Variants in TMX4 observed in about 807,000 individuals in gnomAD.
TMX4 encodes the protein thioredoxin related transmembrane protein 4, also known as thioredoxin-related transmembrane protein 4.
TMX4 carries 23 observed loss-of-function variants against 33.3 expected under a neutral mutation model. The ratio of observed to expected loss-of-function variants is 0.69; its 90% CI spans 0.50 to 0.98. The LOEUF (loss-of-function observed/expected upper bound fraction) is 0.98. TMX4 is among the 50% of genes least tolerant of loss of function. The pLI, the probability that TMX4 is intolerant of heterozygous loss-of-function variation, is 0.00. For missense variants in TMX4, 399 were observed against 448.9 expected, an observed-to-expected ratio of 0.89 and a Z score of 1.01; for synonymous variants, 164 against 161.5, an observed-to-expected ratio of 1.02 and a Z score of -0.12.
chr20:7,989,933 G>A (rs16994301), intron 5 of TMX4, among the ~76,000 whole-genome samples: 2,088 of 152,124 alleles, frequency 0.014, 55 homozygotes, highest in East Asian at 0.065. Context: ...CATGCTGTTC[G>A]CTGAAAATGC....
intron 5 of TMX4, among the ~76,000 whole-genome samples, chr20:7,988,021 GACAA>G (rs1468978706): frequency 6.6e-6 from 1 of 152,104 alleles, no homozygotes; most frequent in Non-Finnish European, 1.5e-5. Flanking sequence ...TCTATTTGAT[GACAA>G]ACACTCTAAA....
At chr20:8,006,781 A>G (rs1469144241) in intron 2 of TMX4, among the ~76,000 whole-genome samples, 1 of 145,362 alleles carries the variant, frequency 6.9e-6, no homozygotes, top group East Asian at 2.0e-4. Context: ...TTTTTGAGAC[A>G]AAGTTATGTT....
At chr20:7,992,138 T>C (rs2050657747) in intron 5 of TMX4, among the ~76,000 whole-genome samples, 2 of 152,238 alleles carry the variant, frequency 1.3e-5, no homozygotes, top group South Asian at 4.1e-4. Context: ...ATTTAGTCAC[T>C]AAGTTGCATA....
chr20:8,009,070 G>A (rs538762813), intron 2 of TMX4, among the ~76,000 whole-genome samples: 2 of 152,100 alleles, frequency 1.3e-5, no homozygotes, highest in African/African-American at 4.8e-5. Flanking sequence ...TTTTGCCCTT[G>A]TAAAAGGATG....
chr20:8,008,499 T>C (rs1449118111), intron 2 of TMX4, among the ~76,000 whole-genome samples: 1 of 152,174 alleles, frequency 6.6e-6, no homozygotes, highest in Non-Finnish European at 1.5e-5. Flanking sequence ...ATGTTAAAAA[T>C]AACTGTAAGT....
At chr20:8,008,411 A>G (rs758766937) in intron 2 of TMX4, among the ~76,000 whole-genome samples, 2 of 152,194 alleles carry the variant, frequency 1.3e-5, no homozygotes, top group African/African-American at 4.8e-5. Context: ...AACCAAGTCA[A>G]CATTGAATGT....
At chr20:8,005,046 A>G (rs1408429749) in intron 2 of TMX4, among the ~76,000 whole-genome samples, 1 of 152,232 alleles carries the variant, frequency 6.6e-6, no homozygotes, top group African/African-American at 2.4e-5. Context: ...AATAGAAAAC[A>G]AGATAAAATT....
intron 2 of TMX4, among the ~76,000 whole-genome samples, chr20:8,006,441 G>A (rs2050730867): frequency 6.6e-6 from 1 of 152,122 alleles, no homozygotes; most frequent in Admixed American, 6.6e-5. Context: ...CTGTGGCAAG[G>A]CAAGAATACA....
chr20:8,009,698 A>G (rs2050744325), intron 2 of TMX4, among the ~76,000 whole-genome samples: 1 of 152,062 alleles, frequency 6.6e-6, no homozygotes, highest in Non-Finnish European at 1.5e-5. Context: ...TATAAGTTCC[A>G]TGTCACCATA....
In TMX4 at chr20:7,979,898, T is replaced by A. The variant is rs1021249773; in HGVS notation, c.*2353A>T. ...GAGGTATCTTGGGAGTAGACCCAAG[T>A]CTAAACACAAAATTCATTTGTTTTA... On this transcript the variant is annotated 3_prime_UTR_variant, in exon 8 of 8. Transcript: ENST00000246024. 1.5e-4 allele frequency: 23 copies of A among 152,294 alleles called. No individual in the cohort carries two copies. Among genetic ancestry groups the A allele is most frequent in the African/African-American group, 5.5e-4 (23 of 41,564 alleles). The allele number at this position is 152,294 out of a possible 1,614,324, so 9.4% of individuals were successfully genotyped here. A position where few individuals can be genotyped will look rare whatever the true frequency, so the allele number is the denominator to read the frequency against.
rs568502436 is a variant in TMX4 at position 7,988,488 on chromosome 20, A to C, written c.514-1099T>G. ...AAACTGATTTAGCAAAATCTGAAAT[A>C]TCTCTCTACAATTTCTTATTCAGCA... On this transcript the variant is annotated intron_variant, in intron 5 of 7. Coordinates refer to ENST00000246024, the MANE Select transcript of TMX4 (RefSeq NM_021156.4). 1.3e-4 allele frequency among the ~76,000 whole-genome samples: 20 copies of C among 152,344 alleles called. No individual in the cohort carries two copies. The East Asian group carries it at 3.7e-3, about 28-fold the overall frequency.
intron 5 of TMX4, among the ~76,000 whole-genome samples, chr20:7,994,378 T>C (rs1199697191): frequency 1.3e-5 from 2 of 152,204 alleles, no homozygotes; most frequent in African/African-American, 2.4e-5. Context: ...AGCTGGGCAC[T>C]GTGTGTACAA....
At position 7,999,852 on chromosome 20, in the gene TMX4, T is replaced by C; in HGVS notation, c.347A>G (p.Asp116Gly). Reference sequence around the variant, plus strand: ...GCCACGATAACGGCGGAATATCCCATCCTTTGCACTATAAATTATGAAAAC... The same window carrying C: ...GCCACGATAACGGCGGAATATCCCACCCTTTGCACTATAAATTATGAAAAC... ...TTLPAFFHAK[D>G]GIFRRYRGPG... Residue 116 changes from aspartate to glycine, a missense_variant, in exon 4 of 8, where the codon GAT becomes GGT. Coordinates refer to ENST00000246024, the MANE Select transcript of TMX4 (RefSeq NM_021156.4). 1 of 1,608,252 alleles carries C rather than the reference T, an allele frequency of 6.2e-7. No individual in the cohort carries two copies. The highest frequency in any genetic ancestry group is 8.5e-7 in the Non-Finnish European group (1 of 1,178,494).
intron 1 of TMX4, 158 bp downstream of exon 1, chr20:8,019,280 A>T (rs1446975506): frequency 1.6e-5 from 14 of 868,642 alleles, no homozygotes; most frequent in Non-Finnish European, 2.3e-5. Context: ...CAGGATCGCA[A>T]GCGGCCCGGC....
At chr20:8,003,939 T>C (rs1232888345) in intron 2 of TMX4, among the ~76,000 whole-genome samples, 1 of 152,128 alleles carries the variant, frequency 6.6e-6, no homozygotes, top group African/African-American at 2.4e-5. Context: ...ATGTGGAATA[T>C]TAACAATGAG....
chr20:7,991,912 C>CCACTCTGTAG (rs11087788), intron 5 of TMX4, among the ~76,000 whole-genome samples: 23,339 of 151,622 alleles, frequency 0.15, 2,847 homozygotes, highest in East Asian at 0.53. Context: ...AAGGATAGTG[C>CCACTCTGTAG]CACTCTGTAG....
intron 5 of TMX4, among the ~76,000 whole-genome samples, chr20:7,991,871 G>C (rs1424035276): frequency 6.6e-6 from 1 of 151,276 alleles, no homozygotes. Context: ...CTACACATAA[G>C]GTGTGAAACA....
intron 5 of TMX4, among the ~76,000 whole-genome samples, chr20:7,988,399 T>C (rs2050639641): frequency 6.6e-6 from 1 of 152,326 alleles, no homozygotes; most frequent in East Asian, 1.9e-4. Context: ...TTTATGTCAA[T>C]GCAATTAAAA....
chr20:7,999,108 T>C (rs2050690606), intron 4 of TMX4, among the ~76,000 whole-genome samples: 1 of 152,206 alleles, frequency 6.6e-6, no homozygotes, highest in Non-Finnish European at 1.5e-5. Flanking sequence ...TATTGCTTGA[T>C]TTGCTCCTTT....
Sources: allele counts gnomAD v4.1 joint callset (sites outside exome capture counted in the v4.1 genomes callset), GRCh38; gene constraint gnomAD v4.1.1; transcripts MANE v1.5; gene names NCBI Gene and HGNC (gene_info 2026-07-23, HGNC 2026-07-21).